CETP: variants seen among roughly 807,000 people sequenced by gnomAD.
The protein encoded by CETP is cholesteryl ester transfer protein.
Under a neutral mutation model 66.5 loss-of-function variants are expected in CETP, and 56 were observed. The ratio of observed to expected loss-of-function variants is 0.84; its 90% CI spans 0.68 to 1.05. The LOEUF (loss-of-function observed/expected upper bound fraction) is 1.05. Among genes scored for constraint, CETP ranks in the 50% least tolerant of loss-of-function variants. The pLI is 0.00. For missense variants in CETP, 612 were observed against 609.6 expected (o/e 1.00, Z -0.04); for synonymous variants, 251 against 245.7 (o/e 1.02, Z -0.20).
intron 2 of CETP, among the ~76,000 whole-genome samples, chr16:56,963,832 G>A (rs1014820191): frequency 6.6e-6 from 1 of 151,634 alleles, no homozygotes; most frequent in Non-Finnish European, 1.5e-5. Context: ...CCACATCCGC[G>A]TAATTTTTGT....
chr16:56,962,183 C>CTT, intron 1 of CETP, 86 bp downstream of exon 1: 1 of 1,166,092 alleles, frequency 8.6e-7, no homozygotes, highest in Non-Finnish European at 1.3e-6. Context: ...CTGAAGCCAG[C>CTT]CCTGAAGCCG....
intron 9 of CETP, among the ~76,000 whole-genome samples, chr16:56,974,713 G>A (rs1032897733): frequency 1.3e-5 from 2 of 152,222 alleles, no homozygotes; most frequent in East Asian, 1.9e-4. Context: ...GAGAAGGTAG[G>A]TGACTTACTG....
At chr16:56,975,942 C>T (rs1392580908) in intron 10 of CETP, among the ~76,000 whole-genome samples, 1 of 152,204 alleles carries the variant, frequency 6.6e-6, no homozygotes, top group African/African-American at 2.4e-5. Context: ...TTCCTGCGGC[C>T]GTTCTCCTGT....
intron 7 of CETP, 109 bp from the exon 8 acceptor site, chr16:56,971,883 A>C: frequency 2.1e-6 from 2 of 935,620 alleles, no homozygotes; most frequent in Admixed American, 3.4e-5. Context: ...CACTTTACAG[A>C]GGGGAACACT....
In CETP at chr16:56,962,737, C is replaced by A. The variant is rs34620476; in HGVS notation, c.119-273C>A. 0.36 allele frequency among the ~76,000 whole-genome samples: 55,235 copies of A among 151,644 alleles called. 10,971 individuals carry two copies. The highest frequency in any genetic ancestry group is 0.46 in the South Asian group (2,217 of 4,804). ...TGTGCGGCTGGGCTCAGGGCTGCCCCATTTGCTAGGATCGTGGGGTTCCCA... is the reference window on the plus strand; with the variant it reads ...TGTGCGGCTGGGCTCAGGGCTGCCCAATTTGCTAGGATCGTGGGGTTCCCA... On this transcript the variant is annotated intron_variant, in intron 1 of 15. Coordinates refer to ENST00000200676, the MANE Select transcript of CETP (RefSeq NM_000078.3).
In CETP at chr16:56,977,207, C is replaced by T. The variant is rs987700473; in HGVS notation, c.982-884C>T. Among the ~76,000 whole-genome samples, 15 of 152,240 alleles carry T rather than the reference C, an allele frequency of 9.9e-5. 1 individual carries two copies. Among genetic ancestry groups the T allele is most frequent in the Admixed American group, 4.6e-4 (7 of 15,290 alleles). On this transcript the variant is annotated intron_variant, in intron 10 of 15. Coordinates refer to ENST00000200676, the MANE Select transcript of CETP (RefSeq NM_000078.3). ...ATTACAGGTGTGAGCTCCCGCACCC[C>T]GCCGGCCCTTTCTTTCTTTTGAGCT...
chr16:56,973,279 C>G (rs2056125906), intron 8 of CETP, 52 bp from the exon 9 acceptor site: 9 of 1,596,346 alleles, frequency 5.6e-6, no homozygotes, highest in Non-Finnish European at 7.7e-6. Context: ...GAAGCTGGAC[C>G]TGAGCCCAGT....
At chr16:56,975,292 A>G (rs1281576499) in intron 10 of CETP, 141 bp downstream of exon 10, 8 of 748,800 alleles carry the variant, frequency 1.1e-5, no homozygotes, top group African/African-American at 1.7e-5. Context: ...GTTGTTCGGC[A>G]TGGAGTGAAG....
At chr16:56,964,751 C>T (rs1219533724) in intron 2 of CETP, among the ~76,000 whole-genome samples, 5 of 152,222 alleles carry the variant, frequency 3.3e-5, no homozygotes, top group Admixed American at 2.6e-4. Flanking sequence ...TGCAGGAAAA[C>T]TCCCGCCGCT....
chr16:56,968,970 C>T (rs1449497088), intron 2 of CETP, among the ~76,000 whole-genome samples: 5 of 151,902 alleles, frequency 3.3e-5, no homozygotes, highest in Non-Finnish European at 5.9e-5. Flanking sequence ...TAAAGATAGG[C>T]ATTTCTAGAT....
intron 11 of CETP, among the ~76,000 whole-genome samples, chr16:56,979,472 A>C (rs2056172971): frequency 6.6e-6 from 1 of 152,192 alleles, no homozygotes; most frequent in African/African-American, 2.4e-5. Flanking sequence ...ACAAATAAGG[A>C]ATTAAGAATC....
chr16:56,972,449 T>G (rs867708777), intron 8 of CETP, among the ~76,000 whole-genome samples: 1 of 152,256 alleles, frequency 6.6e-6, no homozygotes, highest in African/African-American at 2.4e-5. Flanking sequence ...TATAGATTTC[T>G]GTAACAAAGA....
At chr16:56,973,567 T>A in intron 9 of CETP, 57 bp downstream of exon 9, 3 of 1,569,166 alleles carry the variant, frequency 1.9e-6, no homozygotes, top group Non-Finnish European at 2.6e-6. Context: ...TATGTGTGTG[T>A]GTGCACACGC....
chr16:56,981,537 T>A (rs2056187989), intron 12 of CETP, 110 bp from the exon 13 acceptor site: 2 of 1,299,946 alleles, frequency 1.5e-6, no homozygotes, highest in Admixed American at 1.7e-5. Flanking sequence ...CCAAAGGGCC[T>A]GAGCTATGAG....
intron 2 of CETP, among the ~76,000 whole-genome samples, chr16:56,967,542 C>A (rs1670947921): frequency 6.6e-6 from 1 of 151,142 alleles, no homozygotes; most frequent in Admixed American, 6.6e-5. Context: ...GTAATTTCAG[C>A]TACTAGGGAG....
chr16:56,968,280 G>T (rs908605068), intron 2 of CETP, among the ~76,000 whole-genome samples: 17 of 152,080 alleles, frequency 1.1e-4, no homozygotes, highest in Non-Finnish European at 2.2e-4. Flanking sequence ...CCGCCTCGTG[G>T]GTTCAGGCTA....
chr16:56,982,238 G>C lies in CETP; in HGVS notation c.1321+1G>C. 6.2e-7 allele frequency: 1 copy of C among 1,614,016 alleles called. No homozygotes were observed. The highest frequency in any genetic ancestry group is 8.5e-7 in the Non-Finnish European group (1 of 1,179,916). On this transcript the variant is annotated splice_donor_variant, in intron 14 of 15. Transcript: ENST00000200676. LOFTEE classifies it high-confidence loss of function. ...GTGGGCATCCCTGAGGTCATGTCTC[G>C]TAAGTGTGGGCTGGAGGGGAAACTG...
intron 13 of CETP, 74 bp from the exon 14 acceptor site, chr16:56,982,091 A>G (rs1171954040): frequency 1.5e-6 from 2 of 1,366,526 alleles, no homozygotes; most frequent in African/African-American, 1.4e-5. Flanking sequence ...ATGCTTGTCC[A>G]GGCCGTGCAG....
At chr16:56,962,510 C>T (rs549453681) in intron 1 of CETP, 12 of 406,790 alleles carry the variant, frequency 2.9e-5, no homozygotes, top group Non-Finnish European at 5.3e-5. Flanking sequence ...GTGACGGAGG[C>T]TCCATCACTG....
Sources: allele counts gnomAD v4.1 joint callset (sites outside exome capture counted in the v4.1 genomes callset), GRCh38; gene constraint gnomAD v4.1.1; transcripts MANE v1.5; gene names NCBI Gene and HGNC (gene_info 2026-07-23, HGNC 2026-07-21).